EPHA4: variants seen among roughly 807,000 people sequenced by gnomAD.
EPHA4 encodes the protein ephrin type-A receptor 4.
In EPHA4, 19 loss-of-function variants were observed where a neutral mutation model predicts 108.3. The ratio of observed to expected loss-of-function variants is 0.18; its 90% CI spans 0.12 to 0.26. The LOEUF is 0.26. Among genes scored for constraint, EPHA4 ranks in the 10% least tolerant of loss-of-function variants. The probability of loss-of-function intolerance (pLI) is 1.00; values close to 1 mark genes in which losing one functional copy is unlikely to be tolerated. For missense variants in EPHA4, 917 were observed against 1,254.0 expected, an observed-to-expected ratio of 0.73 and a Z score of 4.06; for synonymous variants, 449 against 455.5, an observed-to-expected ratio of 0.99 and a Z score of 0.18.
chr2:221,514,351 T>C (rs992966180), intron 3 of EPHA4, among the ~76,000 whole-genome samples: 1 of 152,110 alleles, frequency 6.6e-6, no homozygotes, highest in Non-Finnish European at 1.5e-5. Flanking sequence ...GACCATTTTC[T>C]TGCTTTCGTG....
At chr2:221,560,150 A>T (rs1254024274) in intron 3 of EPHA4, among the ~76,000 whole-genome samples, 1 of 148,454 alleles carries the variant, frequency 6.7e-6, no homozygotes, top group Non-Finnish European at 1.5e-5. Context: ...TTTGTCAAAC[A>T]TTTAAGATCT....
At chr2:221,563,675 G>A (rs1362423043) in intron 3 of EPHA4, 56 bp downstream of exon 3, 1 of 1,571,362 alleles carries the variant, frequency 6.4e-7, no homozygotes, top group Non-Finnish European at 8.6e-7. Context: ...TCTCATCTCT[G>A]ATTTAATTAC....
intron 5 of EPHA4, among the ~76,000 whole-genome samples, chr2:221,463,990 A>G (rs577811879): frequency 3.3e-5 from 5 of 152,254 alleles, no homozygotes; most frequent in African/African-American, 9.6e-5. Flanking sequence ...GGAGGAGGTG[A>G]GCTAGGAAAT....
chr2:221,540,480 C>T (rs1693801807), intron 3 of EPHA4, among the ~76,000 whole-genome samples: 1 of 152,052 alleles, frequency 6.6e-6, no homozygotes, highest in Admixed American at 6.6e-5. Context: ...CATTTTTTCC[C>T]CTCTTTCTGT....
intron 3 of EPHA4, among the ~76,000 whole-genome samples, chr2:221,529,465 A>G (rs1469998358): frequency 1.3e-5 from 2 of 152,218 alleles, no homozygotes; most frequent in Non-Finnish European, 2.9e-5. Context: ...GCTGACTTGT[A>G]CCAATGGAAA....
At chr2:221,498,607 T>G (rs1231286811) in intron 4 of EPHA4, among the ~76,000 whole-genome samples, 1 of 151,642 alleles carries the variant, frequency 6.6e-6, no homozygotes, top group Non-Finnish European at 1.5e-5. Context: ...ATTTACAGTT[T>G]TTCTGTTTTC....
intron 3 of EPHA4, chr2:221,501,399 A>C: frequency 2.5e-6 from 1 of 406,762 alleles, no homozygotes; most frequent in Non-Finnish European, 4.3e-6. Context: ...CCAAAGGAAG[A>C]AATTTTCTTA....
intron 17 of EPHA4, among the ~76,000 whole-genome samples, 200 bp downstream of exon 17, chr2:221,425,009 G>A (rs188130444): frequency 1.0e-4 from 15 of 150,106 alleles, no homozygotes; most frequent in Admixed American, 4.0e-4. Context: ...ACTTCTCCCC[G>A]GAAGAATAGC....
At chr2:221,499,753 TA>T (rs1173229387) in intron 4 of EPHA4, among the ~76,000 whole-genome samples, 1,348 of 38,260 alleles carry the variant, frequency 0.035, 25 homozygotes, top group Non-Finnish European at 0.043. Flanking sequence ...TATATATATA[TA>T]TATTTTTTTT....
At chr2:221,471,929 G>A (rs548995721) in intron 5 of EPHA4, among the ~76,000 whole-genome samples, 67 of 152,178 alleles carry the variant, frequency 4.4e-4, no homozygotes, top group African/African-American at 1.6e-3. Context: ...TACTCCTACT[G>A]TAAATGGAGA....
At chr2:221,510,596 G>A (rs570217669) in intron 3 of EPHA4, among the ~76,000 whole-genome samples, 17 of 152,272 alleles carry the variant, frequency 1.1e-4, no homozygotes, top group Middle Eastern at 6.8e-3. Flanking sequence ...CCATAAATAG[G>A]TGAGTAATTC....
chr2:221,559,884 G>C (rs1487408554), intron 3 of EPHA4, among the ~76,000 whole-genome samples: 1 of 152,178 alleles, frequency 6.6e-6, no homozygotes, highest in Non-Finnish European at 1.5e-5. Context: ...GTTCTACTGA[G>C]ACCAAGCCAA....
intron 3 of EPHA4, among the ~76,000 whole-genome samples, chr2:221,517,041 A>G (rs1162690476): frequency 2.0e-5 from 3 of 152,222 alleles, no homozygotes; most frequent in African/African-American, 7.2e-5. Context: ...GAGCGCTCCT[A>G]CGTGTGCCTG....
At chr2:221,493,644 A>C (rs1692219801) in intron 4 of EPHA4, among the ~76,000 whole-genome samples, 1 of 152,178 alleles carries the variant, frequency 6.6e-6, no homozygotes, top group Non-Finnish European at 1.5e-5. Context: ...TAACTGTCAG[A>C]AAGCATTAGC....
chr2:221,504,883 TAA>T (rs1362144127), intron 3 of EPHA4, among the ~76,000 whole-genome samples: 1 of 152,212 alleles, frequency 6.6e-6, no homozygotes, highest in African/African-American at 2.4e-5. Context: ...TATGTTTTTC[TAA>T]AAGTTTTTAG....
At chr2:221,558,617 G>A (rs1002394538) in intron 3 of EPHA4, among the ~76,000 whole-genome samples, 6 of 152,056 alleles carry the variant, frequency 3.9e-5, no homozygotes, top group African/African-American at 2.4e-5. Flanking sequence ...AGCTCAGTTA[G>A]ACTAAAATAA....
At chr2:221,446,268 T>A in intron 8 of EPHA4, 87 bp from the exon 9 acceptor site, 1 of 733,376 alleles carries the variant, frequency 1.4e-6, no homozygotes, top group Non-Finnish European at 2.0e-6. Flanking sequence ...TTTGCTACTG[T>A]AAGTCAGGCA....
chr2:221,469,777 A>G (rs1027809008), intron 5 of EPHA4, among the ~76,000 whole-genome samples: 5 of 152,178 alleles, frequency 3.3e-5, no homozygotes, highest in Admixed American at 6.6e-5. Context: ...CTTATGATAT[A>G]GTCCCCATTC....
intron 1 of EPHA4, 125 bp from the exon 2 acceptor site, chr2:221,568,910 A>C: frequency 1.7e-6 from 1 of 596,648 alleles, no homozygotes; most frequent in Non-Finnish European, 2.8e-6. Context: ...TCAAAACCTA[A>C]ACTTGGGCTC....
Sources: gnomAD v4.1 joint callset for allele counts (sites outside exome capture counted in the v4.1 genomes callset) on GRCh38, gnomAD v4.1.1 for gene constraint, MANE v1.5 for transcripts, NCBI Gene and HGNC (gene_info 2026-07-23, HGNC 2026-07-21) for gene names.